Variants in CD2AP observed in about 807,000 individuals in gnomAD.
CD2AP encodes CD2 associated protein.
A neutral mutation model predicts 85.1 loss-of-function variants in CD2AP; 46 were observed. The ratio of observed to expected loss-of-function variants is 0.54; its 90% CI spans 0.43 to 0.69. The LOEUF (loss-of-function observed/expected upper bound fraction) is 0.69, where lower values mean the gene tolerates loss of function less well. CD2AP is among the 30% of genes least tolerant of loss of function. The pLI is 0.00. For synonymous variants in CD2AP, 255 were observed against 252.9 expected, an observed-to-expected ratio of 1.01 and a Z score of -0.08; for missense variants, 769 against 729.5, an observed-to-expected ratio of 1.05 and a Z score of -0.62.
In CD2AP at chr6:47,554,758, A is replaced by G; in HGVS notation, c.533A>G (p.Asp178Gly). ...TDDGETHEAQ[D>G]DSETVLAGPT... ...GATGGTGAAACTCATGAAGCCCAGG[A>G]CGATTCAGGTAGACTATTTTTTAAA... The change falls in exon 5 of 18, where the codon GAC (aspartate) becomes GGC (glycine). Residue 178 changes from aspartate (D) to glycine (G), a missense_variant. Transcript: ENST00000359314. 1.9e-6 allele frequency: 3 copies of G among 1,612,144 alleles called. No individual in the cohort carries two copies. The highest frequency in any genetic ancestry group is 2.5e-6 in the Non-Finnish European group (3 of 1,178,936).
At chr6:47,549,010 A>T (rs977015235) in intron 4 of CD2AP, among the ~76,000 whole-genome samples, 3 of 152,200 alleles carry the variant, frequency 2.0e-5, no homozygotes, top group Admixed American at 1.3e-4. Context: ...GCATCACTTT[A>T]TGATTAAAAC....
chr6:47,506,880 C>G (rs1326261018), intron 2 of CD2AP, among the ~76,000 whole-genome samples: 1 of 151,884 alleles, frequency 6.6e-6, no homozygotes, highest in African/African-American at 2.4e-5. Context: ...TAAGATGAGA[C>G]AACAATGAAG....
At chr6:47,478,708 T>G (rs575762467) in intron 1 of CD2AP, among the ~76,000 whole-genome samples, 16 of 152,186 alleles carry the variant, frequency 1.1e-4, no homozygotes, top group Non-Finnish European at 1.0e-4. Context: ...AGGAGAGAGA[T>G]AAATTTGTTC....
intron 3 of CD2AP, among the ~76,000 whole-genome samples, chr6:47,538,551 A>G (rs1029311841): frequency 6.6e-6 from 1 of 152,202 alleles, no homozygotes; most frequent in Non-Finnish European, 1.5e-5. Flanking sequence ...TGGTGGAGAA[A>G]GAACTTTATT....
At chr6:47,587,362 T>C (rs1324230605) in intron 11 of CD2AP, among the ~76,000 whole-genome samples, 3 of 152,196 alleles carry the variant, frequency 2.0e-5, no homozygotes, top group Non-Finnish European at 4.4e-5. Context: ...CCCTCTATTT[T>C]GGACTCTTAA....
rs370740553 is a variant in CD2AP at position 47,485,622 on chromosome 6, C to A, written c.4+7374C>A. On this transcript the variant is annotated intron_variant, in intron 1 of 17. Coordinates refer to ENST00000359314, the MANE Select transcript of CD2AP (RefSeq NM_012120.3). ...CTTTAGTGTATGGTGTTTATAAAAT[C>A]TATAGTAGTGTATACTAATGTCCTA... Among the ~76,000 whole-genome samples the A allele has an allele frequency of 1.6e-3, 242 of 152,170 alleles. 1 individual carries two copies. The highest frequency in any genetic ancestry group is 5.6e-3 in the African/African-American group (232 of 41,520).
At position 47,525,252 on chromosome 6, in the gene CD2AP, C is replaced by T. The variant is rs904876359; in HGVS notation, c.166-8350C>T. ...TATTTTCCTTATTCTTTAGTAATAC[C>T]ACTTTTTCATATTGTCTGATTATGC... On this transcript the variant is annotated intron_variant, in intron 2 of 17. Coordinates refer to ENST00000359314, the MANE Select transcript of CD2AP (RefSeq NM_012120.3). 7.2e-5 allele frequency among the ~76,000 whole-genome samples: 11 copies of T among 151,986 alleles called. No individual in the cohort carries two copies. In the South Asian group the frequency reaches 2.3e-3, roughly 32 times the overall value.
chr6:47,609,041 TG>T (rs1769349446), intron 15 of CD2AP, 81 bp from the exon 16 acceptor site: 1 of 1,113,276 alleles, frequency 9.0e-7, no homozygotes, highest in South Asian at 1.6e-5. Flanking sequence ...AGTACTTAAT[TG>T]TTTTTCTTCT....
Position 47,599,915 on chromosome 6 carries a change from T to G in CD2AP, c.1417+472T>G, listed in dbSNP as rs181693928. On this transcript the variant is annotated intron_variant, in intron 13 of 17. Transcript: ENST00000359314. ...TTTTCTAACCCTTTTGCTAATTTTT[T>G]TTTAAGCTTTAGGACTGGTTTTTCA... is the stretch of plus-strand genomic sequence containing the variant. Among the ~76,000 whole-genome samples the G allele has an allele frequency of 1.1e-4, 17 of 152,122 alleles. No individual in the cohort carries two copies. The East Asian group carries it at 3.3e-3, about 29-fold the overall frequency.
chr6:47,618,232 A>C (rs1396523719), intron 17 of CD2AP, among the ~76,000 whole-genome samples: 1 of 152,126 alleles, frequency 6.6e-6, no homozygotes, highest in African/African-American at 2.4e-5. Context: ...GGGCATGAGA[A>C]TCACTTGAAC....
chr6:47,533,107 T>C (rs1766932789), intron 2 of CD2AP, among the ~76,000 whole-genome samples: 1 of 152,226 alleles, frequency 6.6e-6, no homozygotes, highest in Admixed American at 6.5e-5. Context: ...TATAAAATTA[T>C]TTGAAATTAG....
intron 2 of CD2AP, among the ~76,000 whole-genome samples, chr6:47,507,234 C>G (rs1337135007): frequency 6.6e-6 from 1 of 152,184 alleles, no homozygotes; most frequent in Non-Finnish European, 1.5e-5. Flanking sequence ...TTCACCACAT[C>G]TACCGTTAAC....
chr6:47,583,792 C>A (rs1768547765), intron 11 of CD2AP, among the ~76,000 whole-genome samples: 1 of 152,120 alleles, frequency 6.6e-6, no homozygotes, highest in African/African-American at 2.4e-5. Flanking sequence ...AGAGGGATTA[C>A]CTGATAATAT....
chr6:47,609,247 T>C lies in CD2AP; in HGVS notation c.1757T>C (p.Leu586Pro). The C allele has an allele frequency of 1.2e-6, 2 of 1,613,634 alleles. No homozygotes were observed. The highest frequency in any genetic ancestry group is 1.7e-4 in the Middle Eastern group (1 of 5,964). ...GTGAAAAAAAATTCCCTGGATGAAC[T>C]TAGAGCCCAGATTATTGAATTGTTG... ...DDVKKNSLDE[L>P]RAQIIELLCI... Residue 586 changes from leucine to proline, a missense_variant, in exon 16 of 18, where the codon CTT (leucine) becomes CCT (proline). Coordinates refer to ENST00000359314, the MANE Select transcript of CD2AP (RefSeq NM_012120.3).
chr6:47,529,111 G>A (rs1160032100), intron 2 of CD2AP, among the ~76,000 whole-genome samples: 2 of 147,744 alleles, frequency 1.4e-5, no homozygotes, highest in African/African-American at 2.5e-5. Context: ...CTCTTTCAGC[G>A]TTTCTCCCCT....
chr6:47,589,796 G>A (rs1005777839), intron 11 of CD2AP, among the ~76,000 whole-genome samples: 1 of 151,870 alleles, frequency 6.6e-6, no homozygotes, highest in African/African-American at 2.4e-5. Flanking sequence ...AGAGTTCAAA[G>A]CTCATGAAAG....
chr6:47,506,927 C>T (rs1376494430), intron 2 of CD2AP, among the ~76,000 whole-genome samples: 19 of 152,156 alleles, frequency 1.2e-4, no homozygotes, highest in Admixed American at 1.2e-3. Flanking sequence ...TGAAAGATTT[C>T]CCTGTAGCAT....
chr6:47,585,532 CA>C (rs1768602177), intron 11 of CD2AP, among the ~76,000 whole-genome samples: 1 of 152,132 alleles, frequency 6.6e-6, no homozygotes, highest in African/African-American at 2.4e-5. Flanking sequence ...AAGCAGTTTA[CA>C]GGCAGCAGAA....
chr6:47,482,459 A>G (rs1007710181), intron 1 of CD2AP, among the ~76,000 whole-genome samples: 1 of 150,316 alleles, frequency 6.7e-6, no homozygotes. Flanking sequence ...GCTCACTGCA[A>G]CCTCCGCCTC....
Sources: allele counts gnomAD v4.1 joint callset (sites outside exome capture counted in the v4.1 genomes callset), GRCh38; gene constraint gnomAD v4.1.1; transcripts MANE v1.5; gene names NCBI Gene and HGNC (gene_info 2026-07-23, HGNC 2026-07-21).